The following CELF2 variants were observed in gnomAD, a reference collection of about 807,000 sequenced individuals.
CELF2 encodes CUGBP Elav-like family member 2.
In CELF2, 8 loss-of-function variants were observed where a neutral mutation model predicts 62.6. The observed-to-expected ratio is 0.13, with a 90% confidence interval of 0.07 to 0.23. CELF2 has a LOEUF of 0.23. Among genes scored for constraint, CELF2 ranks in the 10% least tolerant of loss-of-function variants. CELF2 has a pLI of 1.00. For synonymous variants in CELF2, 258 were observed against 250.0 expected (o/e 1.03, Z -0.30); for missense variants, 333 against 671.0 (o/e 0.50, Z 5.56).
chr10:10,664,408 G>T, the CELF2 span, among the ~76,000 whole-genome samples: 2 of 152,154 alleles, frequency 1.3e-5, no homozygotes, highest in Admixed American at 1.3e-4. Context: ...GATGGTAGAG[G>T]TGTTTTCACC....
intron 9 of CELF2, among the ~76,000 whole-genome samples, chr10:11,301,973 A>C (rs1591069830): frequency 6.6e-6 from 1 of 151,874 alleles, no homozygotes; most frequent in Non-Finnish European, 1.5e-5. Context: ...CTTCGCTGGA[A>C]CCGCCTGCCC....
At chr10:10,872,202 G>C (rs1039273287) in intron 1 of CELF2, among the ~76,000 whole-genome samples, 1 of 152,146 alleles carries the variant, frequency 6.6e-6, no homozygotes, top group Non-Finnish European at 1.5e-5. Context: ...CTCCGGCTTT[G>C]TTTTCAAGTC....
intron 1 of CELF2, among the ~76,000 whole-genome samples, chr10:10,888,847 A>T (rs183181861): frequency 1.8e-4 from 27 of 152,304 alleles, no homozygotes; most frequent in Admixed American, 4.6e-4. Context: ...TATCTTTCAT[A>T]ACTGATTCGT....
Position 11,297,164 on chromosome 10 carries a change from G to C in CELF2, c.976+8612G>C, listed in dbSNP as rs1235077167. ...GGCCAGTGGAGCATTGCTCTCAGTTGTGAGGGGAGTTGAGGAGGAAGCTGT... is the reference window on the plus strand; with the variant it reads ...GGCCAGTGGAGCATTGCTCTCAGTTCTGAGGGGAGTTGAGGAGGAAGCTGT... On this transcript the variant is annotated intron_variant, in intron 9 of 12. Coordinates refer to ENST00000633077, the MANE Select transcript of CELF2 (RefSeq NM_001326342.2). This position sits in a 1 kb window ranked among gnomAD's most constrained non-coding sequence, Gnocchi z 4.4. 6.6e-6 allele frequency among the ~76,000 whole-genome samples: 1 copy of C among 152,226 alleles called. No homozygotes were observed. The highest frequency in any genetic ancestry group is 2.4e-5 in the African/African-American group (1 of 41,462).
chr10:10,974,896 G>A (rs1346028682), intron 2 of CELF2, among the ~76,000 whole-genome samples: 2 of 152,206 alleles, frequency 1.3e-5, no homozygotes, highest in East Asian at 1.9e-4. Context: ...TGATTTTACA[G>A]TGTCTTGACT....
chr10:11,084,417 G>T (rs1220246789), intron 1 of CELF2, among the ~76,000 whole-genome samples: 6 of 152,196 alleles, frequency 3.9e-5, no homozygotes, highest in Non-Finnish European at 4.4e-5. Context: ...ACAATTAAGT[G>T]TGCTGTACAA....
At chr10:10,521,965 G>C in the CELF2 span, among the ~76,000 whole-genome samples, 48 of 152,230 alleles carry the variant, frequency 3.2e-4, no homozygotes, top group African/African-American at 1.1e-3. Flanking sequence ...GGCTCTGCTG[G>C]TCCACACCTG....
At chr10:10,750,139 G>A in the CELF2 span, among the ~76,000 whole-genome samples, 506 of 152,274 alleles carry the variant, frequency 3.3e-3, 2 homozygotes, top group African/African-American at 0.012. Context: ...AAAATTAGCC[G>A]AGGGTGATGG....
rs1328970190 is a variant in CELF2 at position 11,319,878 on chromosome 10, G to C, written c.1097-1311G>C. Reference sequence around the variant, plus strand: ...AGAACATTCCCCACCTGCTCTGTTAGGGCAGTAGCGTTGCTGGGCGTGTGG... The same window carrying C: ...AGAACATTCCCCACCTGCTCTGTTACGGCAGTAGCGTTGCTGGGCGTGTGG... On this transcript the variant is annotated intron_variant, in intron 10 of 12. Coordinates refer to ENST00000633077, the MANE Select transcript of CELF2 (RefSeq NM_001326342.2). The surrounding 1 kb of genome is among the most constrained non-coding windows in gnomAD (Gnocchi z 4.4). 2.1e-6 allele frequency: 1 copy of C among 471,068 alleles called. No individual in the cohort carries two copies. The highest frequency in any genetic ancestry group is 2.3e-5 in the Admixed American group (1 of 42,576). The allele number at this position is 471,068 out of a possible 1,614,324, so 29.2% of individuals were successfully genotyped here. A position where few individuals can be genotyped will look rare whatever the true frequency, so the allele number is the denominator to read the frequency against.
intron 2 of CELF2, among the ~76,000 whole-genome samples, chr10:10,933,619 CT>C (rs1328251447): frequency 6.6e-6 from 1 of 152,100 alleles, no homozygotes; most frequent in Non-Finnish European, 1.5e-5. Context: ...ACCCCATCCC[CT>C]GGTAACCACT....
At chr10:10,489,771 A>G in the CELF2 span, among the ~76,000 whole-genome samples, 1 of 149,718 alleles carries the variant, frequency 6.7e-6, no homozygotes, top group African/African-American at 2.4e-5. Flanking sequence ...AACGTGACGA[A>G]AATCAGCAAA....
In CELF2 at chr10:11,242,851, G is replaced by A. The variant is rs1272610851; in HGVS notation, c.355-6302G>A. The stretch of plus-strand genomic sequence containing the variant: ...GCTGCTTATCCCCAGGAGGTGGGAC[G>A]AAGGGGGAGGCCTGATGCTGGGAGG... On this transcript the variant is annotated intron_variant, in intron 3 of 12. Transcript: ENST00000633077. This position sits in a 1 kb window ranked among gnomAD's most constrained non-coding sequence, Gnocchi z 4.8. Among the ~76,000 whole-genome samples the A allele has an allele frequency of 3.9e-5, 6 of 152,154 alleles. No homozygotes were observed. Among genetic ancestry groups the A allele is most frequent in the East Asian group, 1.9e-4 (1 of 5,188 alleles).
intron 1 of CELF2, among the ~76,000 whole-genome samples, chr10:11,114,626 A>G (rs998633778): frequency 6.6e-6 from 1 of 152,242 alleles, no homozygotes; most frequent in Non-Finnish European, 1.5e-5. Context: ...TGAGTGGATG[A>G]TGATGGTGAA....
At chr10:11,201,421 G>T (rs1481304871) in intron 2 of CELF2, among the ~76,000 whole-genome samples, 1 of 152,218 alleles carries the variant, frequency 6.6e-6, no homozygotes, top group Non-Finnish European at 1.5e-5. Flanking sequence ...TTGTGTGTGT[G>T]TGTGTTTTGT....
chr10:11,261,154 G>T (rs1316685949), intron 5 of CELF2, among the ~76,000 whole-genome samples: 1 of 152,212 alleles, frequency 6.6e-6, no homozygotes, highest in Non-Finnish European at 1.5e-5. Context: ...GCAGCTGAGC[G>T]GTTCACTTTT....
the CELF2 span, among the ~76,000 whole-genome samples, chr10:10,658,733 T>C: frequency 6.6e-6 from 1 of 152,202 alleles, no homozygotes; most frequent in African/African-American, 2.4e-5. Context: ...CTATTCTATG[T>C]AGCTCTTGTC....
chr10:11,114,317 C>T (rs1306554929), intron 1 of CELF2, among the ~76,000 whole-genome samples: 1 of 152,050 alleles, frequency 6.6e-6, no homozygotes, highest in Non-Finnish European at 1.5e-5. Context: ...CATAATAGGT[C>T]AATAGTATTT....
intron 1 of CELF2, among the ~76,000 whole-genome samples, chr10:11,051,368 C>T (rs1328443913): frequency 6.6e-6 from 1 of 152,268 alleles, no homozygotes; most frequent in Non-Finnish European, 1.5e-5. Context: ...TTTTGATTAT[C>T]CACCTATGTA....
chr10:10,947,160 A>G lies in CELF2; in HGVS notation c.89+27161A>G, dbSNP rs575726767. 7 of 152,386 alleles carry G rather than the reference A, an allele frequency of 4.6e-5. No homozygotes were observed. The South Asian group carries it at 1.4e-3, about 32-fold the overall frequency. 9.4% of individuals were successfully genotyped at this position (152,386 alleles called of 1,614,324 possible). On this transcript the variant is annotated intron_variant, in intron 2 of 13. Coordinates refer to the CELF2 transcript ENST00000636488. This position sits in a 1 kb window ranked among gnomAD's most constrained non-coding sequence, Gnocchi z 4.1. The stretch of plus-strand genomic sequence containing the variant: ...TCGGAGAAGGCAAGGAAACCTTCCA[A>G]TCGTTAGAAGTGCACAGGCTCGCTT...
Sources: gnomAD v4.1 joint callset for allele counts (sites outside exome capture counted in the v4.1 genomes callset) on GRCh38, gnomAD v4.1.1 for gene constraint, Gnocchi (gnomAD v3.1) non-coding constraint, MANE v1.5 for transcripts, NCBI Gene and HGNC (gene_info 2026-07-23, HGNC 2026-07-21) for gene names.